Variants in KDM4C observed in about 807,000 individuals in gnomAD.
KDM4C encodes the protein lysine demethylase 4C, also known as lysine-specific demethylase 4C.
A neutral mutation model predicts 129.3 loss-of-function variants in KDM4C; 81 were observed. The observed-to-expected ratio is 0.63, with a 90% CI of 0.52 to 0.75. The LOEUF is 0.75. Ranked by LOEUF, KDM4C falls within the 30% of genes least tolerant of loss-of-function variation. The probability of loss-of-function intolerance (pLI) is 0.00; values close to 1 mark genes in which losing one functional copy is unlikely to be tolerated. For missense variants in KDM4C, 1,457 were observed against 1,304.0 expected, an observed-to-expected ratio of 1.12 and a Z score of -1.81; for synonymous variants, 573 against 456.1, an observed-to-expected ratio of 1.26 and a Z score of -3.26.
intron 19 of KDM4C, among the ~76,000 whole-genome samples, chr9:7,159,747 C>G (rs1159153249): frequency 2.6e-5 from 4 of 152,170 alleles, no homozygotes; most frequent in African/African-American, 4.8e-5. Context: ...CTATCTTTCT[C>G]TTGGCTGCCC....
chr9:6,864,635 AT>A (rs906431288), intron 5 of KDM4C, among the ~76,000 whole-genome samples: 157 of 148,536 alleles, frequency 1.1e-3, no homozygotes, highest in Middle Eastern at 6.8e-3. Flanking sequence ...TGCCCAGCTA[AT>A]TTTTTTTTTT....
At chr9:6,983,245 G>A (rs1464875180) in intron 9 of KDM4C, among the ~76,000 whole-genome samples, 1 of 152,084 alleles carries the variant, frequency 6.6e-6, no homozygotes, top group Non-Finnish European at 1.5e-5. Flanking sequence ...TTTCTTGTGT[G>A]TGTATAATAC....
chr9:6,820,712 CTCTT>C (rs1167171567), intron 4 of KDM4C, among the ~76,000 whole-genome samples: 3 of 102,558 alleles, frequency 2.9e-5, no homozygotes, highest in African/African-American at 1.2e-4. Flanking sequence ...CTCTCTCTCT[CTCTT>C]TTTTTTTTTT....
At position 6,882,266 on chromosome 9, in the gene KDM4C, T is replaced by G. The variant is rs183144075; in HGVS notation, c.679+2205T>G. ...CCATTGCATTCTTTCTAATTTTTGGTTTGATACAATTGGATTGCAAATATG... is the reference window on the plus strand; with the variant it reads ...CCATTGCATTCTTTCTAATTTTTGGGTTGATACAATTGGATTGCAAATATG... On this transcript the variant is annotated intron_variant, in intron 6 of 21. Transcript: ENST00000381309. Among the ~76,000 whole-genome samples, 8 of 152,344 alleles carry G rather than the reference T, an allele frequency of 5.3e-5. No individual in the cohort carries two copies. In the East Asian group the frequency reaches 1.5e-3, roughly 29 times the overall value.
chr9:7,148,757 G>A (rs928181328), intron 19 of KDM4C, among the ~76,000 whole-genome samples: 14 of 152,338 alleles, frequency 9.2e-5, no homozygotes, highest in African/African-American at 2.9e-4. Flanking sequence ...GAGACCTGAA[G>A]TGGGTAGCTC....
chr9:6,740,524 T>C (rs965713800), intron 1 of KDM4C, among the ~76,000 whole-genome samples: 27 of 148,112 alleles, frequency 1.8e-4, no homozygotes, highest in Non-Finnish European at 3.9e-4. Context: ...CTAATTTTTA[T>C]TTATTTATCC....
chr9:6,772,137 TAGG>T (rs1021264745), intron 1 of KDM4C, among the ~76,000 whole-genome samples: 56 of 152,314 alleles, frequency 3.7e-4, no homozygotes, highest in African/African-American at 1.3e-3. Context: ...TTAATATTCG[TAGG>T]AGAACAGTCT....
intron 12 of KDM4C, among the ~76,000 whole-genome samples, chr9:7,001,747 A>G (rs1250200275): frequency 6.7e-6 from 1 of 149,658 alleles, no homozygotes; most frequent in Non-Finnish European, 1.5e-5. Context: ...TTTTTTTGGT[A>G]TGGGGAGCTT....
At chr9:7,164,598 C>G (rs562914357) in intron 19 of KDM4C, among the ~76,000 whole-genome samples, 1 of 152,188 alleles carries the variant, frequency 6.6e-6, no homozygotes, top group Non-Finnish European at 1.5e-5. Flanking sequence ...ACCCACCCAG[C>G]TCCACCCGCC....
chr9:6,841,487 G>A (rs577389220), intron 4 of KDM4C, among the ~76,000 whole-genome samples: 1 of 152,258 alleles, frequency 6.6e-6, no homozygotes, highest in South Asian at 2.1e-4. Flanking sequence ...TCTATTATAT[G>A]GAAAGTACCA....
chr9:7,030,356 T>G (rs986294290), intron 15 of KDM4C, among the ~76,000 whole-genome samples: 3 of 152,186 alleles, frequency 2.0e-5, no homozygotes, highest in Non-Finnish European at 4.4e-5. Flanking sequence ...CATTCATCTA[T>G]GAAAATGCTG....
chr9:6,949,419 C>T (rs902843848), intron 8 of KDM4C, among the ~76,000 whole-genome samples: 1 of 151,946 alleles, frequency 6.6e-6, no homozygotes. Context: ...CAGAGACGTT[C>T]CTCACTTCCC....
intron 17 of KDM4C, among the ~76,000 whole-genome samples, chr9:7,064,988 T>C (rs1350207342): frequency 1.3e-5 from 2 of 152,176 alleles, no homozygotes; most frequent in African/African-American, 4.8e-5. Context: ...CTTAAATAAA[T>C]TGAAAACAAA....
chr9:7,090,219 A>G (rs986263240), intron 17 of KDM4C, among the ~76,000 whole-genome samples: 2 of 152,218 alleles, frequency 1.3e-5, no homozygotes, highest in Non-Finnish European at 2.9e-5. Flanking sequence ...TCTTTCTCCT[A>G]AATATTTTGA....
intron 5 of KDM4C, among the ~76,000 whole-genome samples, chr9:6,854,373 A>C (rs528197701): frequency 1.1e-3 from 166 of 152,102 alleles, no homozygotes; most frequent in African/African-American, 3.9e-3. Flanking sequence ...TAAAAATACA[A>C]AATTAGCCGG....
chr9:6,923,591 C>T (rs529194320), intron 8 of KDM4C, among the ~76,000 whole-genome samples: 392 of 152,292 alleles, frequency 2.6e-3, no homozygotes, highest in African/African-American at 9.2e-3. Context: ...GAGGGATCAT[C>T]AAGAGACAGA....
At position 6,984,270 on chromosome 9, in the gene KDM4C, C is replaced by T. The variant is rs767149247; in HGVS notation, c.1220C>T (p.Thr407Ile). The change falls in exon 10 of 22, where the codon ACA becomes ATA. Residue 407 changes from threonine to isoleucine, a missense_variant. Transcript: ENST00000381309. The stretch of plus-strand genomic sequence containing the variant: ...GAGGTCCCTAACCCCGACTCAGTCA[C>T]AGATGACCTCAAGGTCAGTGAAAAG... ...GAEVPNPDSV[T>I]DDLKVSEKSE... 3 of 1,613,942 alleles carry T rather than the reference C, an allele frequency of 1.9e-6. No homozygotes were observed. The highest frequency in any genetic ancestry group is 2.2e-5 in the East Asian group (1 of 44,872).
At chr9:6,937,103 C>A (rs1421689178) in intron 8 of KDM4C, among the ~76,000 whole-genome samples, 1 of 152,116 alleles carries the variant, frequency 6.6e-6, no homozygotes, top group East Asian at 1.9e-4. Flanking sequence ...TGTAGTCAAT[C>A]AGAAAGACTA....
At chr9:6,850,320 A>G (rs1013003149) in intron 5 of KDM4C, among the ~76,000 whole-genome samples, 3 of 152,236 alleles carry the variant, frequency 2.0e-5, no homozygotes, top group Non-Finnish European at 4.4e-5. Context: ...TTTATTGGGC[A>G]TCTTTACTTT....
Sources: allele counts gnomAD v4.1 joint callset (sites outside exome capture counted in the v4.1 genomes callset), GRCh38; gene constraint gnomAD v4.1.1; transcripts MANE v1.5; gene names NCBI Gene and HGNC (gene_info 2026-07-23, HGNC 2026-07-21).